Variants in MBD2 observed in about 807,000 individuals in gnomAD.
The protein encoded by MBD2 is methyl-CpG-binding domain protein 2.
MBD2 carries 9 observed loss-of-function variants against 39.3 expected under a neutral mutation model. That is an observed-to-expected ratio of 0.23 (90% CI 0.14 to 0.40). The LOEUF is 0.40. Among genes scored for constraint, MBD2 ranks in the 10% least tolerant of loss-of-function variants. The pLI, the probability that MBD2 is intolerant of heterozygous loss-of-function variation, is 1.00. For synonymous variants in MBD2, 233 were observed against 211.1 expected (o/e 1.10, Z -0.90); for missense variants, 458 against 532.6 (o/e 0.86, Z 1.38).
chr18:54,189,128 C>T (rs1290408663), intron 2 of MBD2, 117 bp from the exon 3 acceptor site: 11 of 641,680 alleles, frequency 1.7e-5, no homozygotes, highest in Admixed American at 3.2e-5. Context: ...CTCAGTCTAT[C>T]GCAGCATTTT....
In MBD2 at chr18:54,164,609, G is replaced by A. The variant is rs769946722; in HGVS notation, c.1023C>T (p.Ser341=). 78 of 1,614,014 alleles carry A rather than the reference G, an allele frequency of 4.8e-5. No individual in the cohort carries two copies. The highest frequency in any genetic ancestry group is 3.6e-4 in the East Asian group (16 of 44,894). ...CAGCAGGGTTCTTTTCCACAGCAGC[G>A]GAGACTTGCCCTGTGATTGGCGCAG... The part of the protein sequence containing the change: ...TSSAPITGQV[S]AAVEKNPAVW... Residue 341 remains serine, a synonymous_variant, in exon 5 of 7, where the codon TCC becomes TCT. Coordinates refer to ENST00000256429, the MANE Select transcript of MBD2 (RefSeq NM_003927.5).
intron 3 of MBD2, among the ~76,000 whole-genome samples, chr18:54,171,886 G>T (rs1956970392): frequency 6.6e-6 from 1 of 152,218 alleles, no homozygotes; most frequent in Non-Finnish European, 1.5e-5. Context: ...AATCAGTGGT[G>T]CAGCTGGAAT....
At chr18:54,178,234 G>A (rs1489467314) in intron 3 of MBD2, among the ~76,000 whole-genome samples, 1 of 151,920 alleles carries the variant, frequency 6.6e-6, no homozygotes, top group Non-Finnish European at 1.5e-5. Flanking sequence ...ATTAAAATCA[G>A]GTTATAAATC....
chr18:54,205,633 T>G (rs977088349), intron 1 of MBD2, among the ~76,000 whole-genome samples: 2 of 147,280 alleles, frequency 1.4e-5, no homozygotes, highest in African/African-American at 5.0e-5. Flanking sequence ...TACAGGGAAC[T>G]CCGTAACTTC....
rs1396640784 is a variant in MBD2 at position 54,224,241 on chromosome 18, C to T, written c.319G>A (p.Asp107Asn). The change falls in exon 1 of 7, where the codon GAC becomes AAC. Residue 107 changes from aspartate to asparagine, a missense_variant. Physicochemically the swap from Asp to Asn is conservative, Grantham distance 23. Transcript: ENST00000256429. ...CCGCCGCCGCCGCAGCCGCCGCCGT[C>T]GCCGCCAAGGCCGCTGCCGCCACTC... Reference protein sequence around the residue: ...PPSGGSGLGGDGGGCGGGGSG... With the variant: ...PPSGGSGLGGNGGGCGGGGSG... 5 of 997,120 alleles carry T rather than the reference C, an allele frequency of 5.0e-6. No homozygotes were observed. In the East Asian group the frequency reaches 4.2e-4, roughly 83 times the overall value. The allele number at this position is 997,120 out of a possible 1,614,324, so 61.8% of individuals were successfully genotyped here. A position where few individuals can be genotyped will look rare whatever the true frequency, so the allele number is the denominator to read the frequency against.
chr18:54,203,574 A>C (rs985602722), intron 2 of MBD2, among the ~76,000 whole-genome samples: 2 of 152,218 alleles, frequency 1.3e-5, no homozygotes, highest in African/African-American at 4.8e-5. Flanking sequence ...GGACCTGCCA[A>C]TGTCCCTATG....
At chr18:54,192,821 TA>T (rs4987186) in intron 2 of MBD2, among the ~76,000 whole-genome samples, 127,746 of 151,918 alleles carry the variant, frequency 0.84, 54,202 homozygotes, top group East Asian at 1. Context: ...TTCTGTGCAA[TA>T]AAAAAAAATT....
At chr18:54,196,417 G>A (rs2086367432) in intron 2 of MBD2, among the ~76,000 whole-genome samples, 1 of 152,024 alleles carries the variant, frequency 6.6e-6, no homozygotes, top group African/African-American at 2.4e-5. Context: ...TTAATGTAAC[G>A]GACATCACCA....
chr18:54,220,036 C>T (rs936631599), intron 1 of MBD2, among the ~76,000 whole-genome samples: 3 of 152,242 alleles, frequency 2.0e-5, no homozygotes, highest in South Asian at 4.2e-4. Context: ...CTCCTGACCT[C>T]GTGATCCACC....
At chr18:54,223,395 C>T (rs1453492133) in intron 1 of MBD2, among the ~76,000 whole-genome samples, 1 of 152,216 alleles carries the variant, frequency 6.6e-6, no homozygotes, top group African/African-American at 2.4e-5. Flanking sequence ...ATCACACCCT[C>T]CCCAGGTGTG....
Position 54,224,450 on chromosome 18 carries a change from TG to T in MBD2, c.109del (p.Gln37ArgfsTer10). 1 of 1,236,948 alleles carries T rather than the reference TG, an allele frequency of 8.1e-7. No homozygotes were observed. Among genetic ancestry groups the T allele is most frequent in the Non-Finnish European group, 1.0e-6 (1 of 993,626 alleles). 76.6% of individuals were successfully genotyped at this position (1,236,948 alleles called of 1,614,324 possible). A position where few individuals can be genotyped will look rare whatever the true frequency, so the allele number is the denominator to read the frequency against. On this transcript the variant is annotated frameshift_variant, in exon 1 of 7. Transcript: ENST00000256429. LOFTEE classifies it high-confidence loss of function. ...CGGGGACGGGGCGAGCGCGCTGCCC[TG>T]GCCCCCCTGCTCTATGGCGGAGTCG... ...GGDSAIEQGG[Q>X]GSALAPSPVS...
In MBD2 at chr18:54,224,652, G is replaced by C. The variant is rs565780457; in HGVS notation, c.-93C>G. 1 of 952,676 alleles carries C rather than the reference G, an allele frequency of 1.0e-6. No individual in the cohort carries two copies. Among genetic ancestry groups the C allele is most frequent in the Non-Finnish European group, 1.4e-6 (1 of 733,368 alleles). The allele number at this position is 952,676 out of a possible 1,614,324, so 59.0% of individuals were successfully genotyped here. A position where few individuals can be genotyped will look rare whatever the true frequency, so the allele number is the denominator to read the frequency against. ...CCCGCCCGCAGCGCGGCGCGCGGGG[G>C]ACGCGCGCAAGCATCATAGAGCGGG... On this transcript the variant is annotated 5_prime_UTR_variant, in exon 1 of 7. Transcript: ENST00000256429.
At chr18:54,198,565 G>A (rs769428727) in intron 2 of MBD2, among the ~76,000 whole-genome samples, 17 of 152,062 alleles carry the variant, frequency 1.1e-4, no homozygotes, top group Non-Finnish European at 2.1e-4. Flanking sequence ...AATACAAAAC[G>A]TTAGCCAGGA....
chr18:54,201,451 G>C (rs1373918267), intron 2 of MBD2, among the ~76,000 whole-genome samples: 1 of 152,184 alleles, frequency 6.6e-6, no homozygotes, highest in Non-Finnish European at 1.5e-5. Context: ...TTAAGATTGA[G>C]TTTGAGATAT....
intron 3 of MBD2, among the ~76,000 whole-genome samples, chr18:54,173,153 G>T (rs2086189970): frequency 6.6e-6 from 1 of 152,102 alleles, no homozygotes; most frequent in Non-Finnish European, 1.5e-5. Context: ...GGGATTTCTT[G>T]CTACTACGAA....
chr18:54,164,071 A>C (rs1013675818), intron 5 of MBD2, among the ~76,000 whole-genome samples: 2 of 152,062 alleles, frequency 1.3e-5, no homozygotes, highest in Admixed American at 6.6e-5. Context: ...TTTTTTGTGG[A>C]GATGGGGTCT....
intron 1 of MBD2, among the ~76,000 whole-genome samples, chr18:54,221,741 C>T (rs972958997): frequency 6.6e-6 from 1 of 152,142 alleles, no homozygotes. Context: ...TGCACTCCAG[C>T]CTGGGCGACA....
At chr18:54,164,060 AT>A (rs1246957688) in intron 5 of MBD2, among the ~76,000 whole-genome samples, 1 of 151,968 alleles carries the variant, frequency 6.6e-6, no homozygotes, top group Non-Finnish European at 1.5e-5. Context: ...ATTGTTAAAA[AT>A]TTTTTGTGGA....
chr18:54,222,239 C>A, intron 1 of MBD2: 1 of 401,952 alleles, frequency 2.5e-6, no homozygotes, highest in Non-Finnish European at 5.0e-6. Context: ...CTTGAGAAAA[C>A]TAATCTTTTT....
Sources: gnomAD v4.1 joint callset for allele counts (sites outside exome capture counted in the v4.1 genomes callset) on GRCh38, gnomAD v4.1.1 for gene constraint, MANE v1.5 for transcripts, NCBI Gene and HGNC (gene_info 2026-07-23, HGNC 2026-07-21) for gene names.